Variants in KIFBP observed in about 807,000 individuals in gnomAD.
The protein encoded by KIFBP is KIF-binding protein.
KIFBP carries 46 observed loss-of-function variants against 58.9 expected under a neutral mutation model. The observed-to-expected ratio is 0.78, with a 90% CI of 0.62 to 1.00. The LOEUF is 1.00. Ranked by LOEUF, KIFBP falls within the 50% of genes least tolerant of loss-of-function variation. The pLI is 0.00. For missense variants in KIFBP, 651 were observed against 752.9 expected, an observed-to-expected ratio of 0.86 and a Z score of 1.58; for synonymous variants, 241 against 283.4, an observed-to-expected ratio of 0.85 and a Z score of 1.50.
At chr10:69,002,566 T>A (rs1589295608) in intron 2 of KIFBP, among the ~76,000 whole-genome samples, 1 of 152,112 alleles carries the variant, frequency 6.6e-6, no homozygotes, top group Admixed American at 6.5e-5. Context: ...GCTCACAGTC[T>A]TATATGTGAA....
At chr10:69,011,269 AAT>A (rs1491078893) in intron 6 of KIFBP, 2 of 344,630 alleles carry the variant, frequency 5.8e-6, no homozygotes, top group Non-Finnish European at 1.1e-5. Flanking sequence ...TCCATCTCTA[AAT>A]AAATAAATAA....
chr10:68,990,145 T>C (rs2132105198), intron 1 of KIFBP, among the ~76,000 whole-genome samples: 1 of 152,206 alleles, frequency 6.6e-6, no homozygotes, highest in East Asian at 1.9e-4. Context: ...ATAACTTTCT[T>C]GGGACCATTT....
rs1271279150 is a variant in KIFBP at position 69,005,167 on chromosome 10, T to C, written c.605+42T>C. ...ATCAGCCCTTGCAAATATTTCCACA[T>C]ATCATAGATTAGTGATTGTTCAAAA... is the stretch of plus-strand genomic sequence containing the variant. On this transcript the variant is annotated intron_variant, in intron 3 of 6. Coordinates refer to ENST00000361983, the MANE Select transcript of KIFBP (RefSeq NM_015634.4). 4 of 1,345,136 alleles carry C rather than the reference T, an allele frequency of 3.0e-6. No homozygotes were observed. The South Asian group carries it at 4.7e-5, about 16-fold the overall frequency. The allele number at this position is 1,345,136 out of a possible 1,614,324, so 83.3% of individuals were successfully genotyped here. A position where few individuals can be genotyped will look rare whatever the true frequency, so the allele number is the denominator to read the frequency against.
intron 1 of KIFBP, 80 bp downstream of exon 1, chr10:68,989,338 A>G: frequency 6.8e-7 from 1 of 1,472,666 alleles, no homozygotes. Flanking sequence ...GGCCAAGGGC[A>G]GACGTTGTAA....
intron 3 of KIFBP, among the ~76,000 whole-genome samples, chr10:69,005,399 C>G (rs1164364858): frequency 6.6e-6 from 1 of 152,040 alleles, no homozygotes; most frequent in South Asian, 2.1e-4. Flanking sequence ...AACCATGGTC[C>G]GGACACGGTG....
intron 3 of KIFBP, 82 bp downstream of exon 3, chr10:69,005,207 G>T: frequency 3.9e-6 from 4 of 1,015,864 alleles, no homozygotes; most frequent in Middle Eastern, 2.1e-4. Context: ...ACTTATAAAG[G>T]TTATAGAATG....
chr10:69,008,408 A>ATATATATATATATG (rs1437984960), intron 4 of KIFBP, among the ~76,000 whole-genome samples: 1 of 137,564 alleles, frequency 7.3e-6, no homozygotes, highest in Admixed American at 7.4e-5. Context: ...ATATATATAT[A>ATATATATATATATG]TATATATATA....
rs1838993065 is a variant in KIFBP, at chr10:69,015,814, G to C, written c.1264G>C (p.Val422Leu). The change falls in exon 7 of 7, where the codon GTT (valine) becomes CTT (leucine). Residue 422 changes from valine to leucine, a missense_variant. By Grantham distance (32) the Val-to-Leu change is conservative (BLOSUM62 1). Coordinates refer to ENST00000361983, the MANE Select transcript of KIFBP (RefSeq NM_015634.4). The stretch of plus-strand genomic sequence containing the variant: ...TGGTTATGTCACTGACCATATTGAA[G>C]TTGTCCAAGACCACAGTGCTCTGTT... Reference protein sequence around the residue: ...IDGYVTDHIEVVQDHSALFKV... With the variant: ...IDGYVTDHIELVQDHSALFKV... The C allele has an allele frequency of 6.2e-7, 1 of 1,614,174 alleles. No homozygotes were observed. Among genetic ancestry groups the C allele is most frequent in the African/African-American group, 1.3e-5 (1 of 75,046 alleles).
chr10:68,992,397 TTTTGG>T (rs901194873), intron 1 of KIFBP, among the ~76,000 whole-genome samples: 1 of 152,122 alleles, frequency 6.6e-6, no homozygotes, highest in Non-Finnish European at 1.5e-5. Flanking sequence ...GGGATGGGGA[TTTTGG>T]TTGTAGGCAT....
intron 1 of KIFBP, among the ~76,000 whole-genome samples, chr10:68,997,468 A>G (rs1843418536): frequency 6.6e-6 from 1 of 152,168 alleles, no homozygotes; most frequent in African/African-American, 2.4e-5. Flanking sequence ...TACTCCAGCC[A>G]TGTAGAATGT....
intron 6 of KIFBP, 38 bp downstream of exon 6, chr10:69,011,053 G>A (rs1843584633): frequency 1.4e-6 from 2 of 1,430,822 alleles, no homozygotes; most frequent in Admixed American, 1.7e-5. Flanking sequence ...TTTCTTAAAT[G>A]AGGAAATTGT....
At chr10:68,992,029 T>C (rs2132106333) in intron 1 of KIFBP, among the ~76,000 whole-genome samples, 1 of 152,146 alleles carries the variant, frequency 6.6e-6, no homozygotes, top group African/African-American at 2.4e-5. Context: ...AATCTTCCTC[T>C]GTTGCCCAGG....
chr10:69,006,036 T>C (rs924000661), intron 4 of KIFBP, 121 bp downstream of exon 4: 3 of 947,178 alleles, frequency 3.2e-6, no homozygotes, highest in South Asian at 1.7e-5. Context: ...GATGTACAAC[T>C]GAAGCCGAAA....
rs538752874 is a variant in KIFBP at position 69,004,813 on chromosome 10, A to G, written c.526-233A>G. Among the ~76,000 whole-genome samples the G allele has an allele frequency of 2.6e-4, 40 of 152,310 alleles. 1 individual carries two copies. The South Asian group carries it at 8.3e-3, about 32-fold the overall frequency. ...GGGAGGATCGGGAGACGGAGGTTAC[A>G]GTAAGCCGAGATTGTGCCACTCCAC... On this transcript the variant is annotated intron_variant, in intron 2 of 6. Coordinates refer to ENST00000361983, the MANE Select transcript of KIFBP (RefSeq NM_015634.4).
chr10:69,003,648 A>G (rs557589933), intron 2 of KIFBP, among the ~76,000 whole-genome samples: 2 of 152,296 alleles, frequency 1.3e-5, no homozygotes, highest in African/African-American at 4.8e-5. Flanking sequence ...CCCTTATTTT[A>G]TAGATGACTA....
At chr10:69,008,391 A>AAAAATATATATATATATATATATAT in intron 4 of KIFBP, among the ~76,000 whole-genome samples, 2 of 71,612 alleles carry the variant, frequency 2.8e-5, no homozygotes, top group African/African-American at 1.6e-4. Context: ...AAAAAAAAAA[A>AAAAATATATATATATATATATATAT]ATATATATAT....
chr10:68,993,612 A>T (rs59149856), intron 1 of KIFBP, among the ~76,000 whole-genome samples: 7,786 of 147,188 alleles, frequency 0.053, 577 homozygotes, highest in African/African-American at 0.18. Flanking sequence ...TTTTTTTTTT[A>T]AATTTAATTT....
At chr10:69,008,391 A>AAAAAAAAAAAT in intron 4 of KIFBP, among the ~76,000 whole-genome samples, 1 of 71,592 alleles carries the variant, frequency 1.4e-5, no homozygotes, top group Non-Finnish European at 2.4e-5. Flanking sequence ...AAAAAAAAAA[A>AAAAAAAAAAAT]ATATATATAT....
chr10:69,012,191 C>A (rs1843602448), intron 6 of KIFBP, among the ~76,000 whole-genome samples: 1 of 152,166 alleles, frequency 6.6e-6, no homozygotes. Context: ...GTAGCTATGT[C>A]TTTGTGGCAA....
Sources: allele counts gnomAD v4.1 joint callset (sites outside exome capture counted in the v4.1 genomes callset), GRCh38; gene constraint gnomAD v4.1.1; transcripts MANE v1.5; gene names NCBI Gene and HGNC (gene_info 2026-07-23, HGNC 2026-07-21).